The following TAF3 variants were observed in gnomAD, a reference collection of about 807,000 sequenced individuals.
TAF3 encodes the protein transcription initiation factor TFIID subunit 3.
TAF3 carries 7 observed loss-of-function variants against 80.6 expected under a neutral mutation model. The observed-to-expected ratio is 0.09, with a 90% CI of 0.05 to 0.16. The LOEUF is 0.16. Among genes scored for constraint, TAF3 ranks in the 10% least tolerant of loss-of-function variants. The pLI, the probability that TAF3 is intolerant of heterozygous loss-of-function variation, is 1.00. For missense variants in TAF3, 921 were observed against 1,140.2 expected, an observed-to-expected ratio of 0.81 and a Z score of 2.77; for synonymous variants, 444 against 446.1, an observed-to-expected ratio of 1.00 and a Z score of 0.06.
chr10:7,839,534 G>A (rs1004390852), intron 2 of TAF3, among the ~76,000 whole-genome samples: 3 of 152,222 alleles, frequency 2.0e-5, no homozygotes, highest in African/African-American at 4.8e-5. Context: ...TGATAGAGGT[G>A]ACAGTGGGAT....
chr10:7,926,885 A>G (rs1009113008), intron 2 of TAF3, among the ~76,000 whole-genome samples: 3 of 152,186 alleles, frequency 2.0e-5, no homozygotes, highest in Admixed American at 6.5e-5. Flanking sequence ...TTTTAGTATT[A>G]ACAATGTCAG....
At chr10:7,969,363 G>C (rs980663040) in intron 3 of TAF3, among the ~76,000 whole-genome samples, 1 of 152,090 alleles carries the variant, frequency 6.6e-6, no homozygotes, top group African/African-American at 2.4e-5. Context: ...AGTTGTAGCA[G>C]TGATAAATCT....
At chr10:7,885,566 C>G (rs1837402190) in intron 2 of TAF3, among the ~76,000 whole-genome samples, 1 of 152,194 alleles carries the variant, frequency 6.6e-6, no homozygotes, top group Non-Finnish European at 1.5e-5. Flanking sequence ...CAACCAGTCT[C>G]ATTAGTTTCT....
intron 2 of TAF3, among the ~76,000 whole-genome samples, chr10:7,883,530 A>T (rs570840484): frequency 1.3e-5 from 2 of 152,212 alleles, no homozygotes; most frequent in South Asian, 4.1e-4. Context: ...TGGTGGAGAG[A>T]TACTTTGAGA....
chr10:8,000,952 CAT>C (rs1480300776), intron 4 of TAF3, among the ~76,000 whole-genome samples: 2 of 152,190 alleles, frequency 1.3e-5, no homozygotes, highest in African/African-American at 4.8e-5. Context: ...CTTGGATAGA[CAT>C]ATCATTTGTG....
intron 2 of TAF3, among the ~76,000 whole-genome samples, chr10:7,909,234 G>A (rs1423725170): frequency 6.6e-6 from 1 of 152,212 alleles, no homozygotes; most frequent in Non-Finnish European, 1.5e-5. Context: ...AGAGCCTCTG[G>A]GGCCCAGGCT....
intron 3 of TAF3, among the ~76,000 whole-genome samples, chr10:7,970,617 T>C (rs1477607886): frequency 6.6e-6 from 1 of 152,204 alleles, no homozygotes; most frequent in Non-Finnish European, 1.5e-5. Context: ...TTTTATAAAA[T>C]GTTAGTTCCT....
At chr10:7,879,195 A>G (rs1837337413) in intron 2 of TAF3, among the ~76,000 whole-genome samples, 3 of 152,176 alleles carry the variant, frequency 2.0e-5, no homozygotes, top group African/African-American at 7.2e-5. Flanking sequence ...AGACATTTAT[A>G]TGTTCTATTT....
intron 3 of TAF3, among the ~76,000 whole-genome samples, chr10:7,969,139 A>AAAAC (rs148750011): frequency 4.8e-4 from 73 of 150,832 alleles, no homozygotes; most frequent in South Asian, 2.7e-3. Flanking sequence ...CTGTCTCTCC[A>AAAAC]AAACAAACAA....
intron 2 of TAF3, among the ~76,000 whole-genome samples, chr10:7,961,966 C>T (rs1450913024): frequency 1.3e-5 from 2 of 152,094 alleles, no homozygotes; most frequent in African/African-American, 4.8e-5. Flanking sequence ...CCTTGCACCT[C>T]AGTCTCCCAG....
chr10:7,934,171 A>G (rs1158721301), intron 2 of TAF3, among the ~76,000 whole-genome samples: 1 of 152,258 alleles, frequency 6.6e-6, no homozygotes, highest in Non-Finnish European at 1.5e-5. Context: ...TTTTAGGACT[A>G]CCTTAACCAA....
At chr10:7,943,110 A>G (rs1171364640) in intron 2 of TAF3, among the ~76,000 whole-genome samples, 1 of 152,212 alleles carries the variant, frequency 6.6e-6, no homozygotes, top group African/African-American at 2.4e-5. Context: ...CTCAGATCAA[A>G]GGAGTCCAAT....
intron 2 of TAF3, among the ~76,000 whole-genome samples, chr10:7,858,008 G>C (rs1837099844): frequency 6.6e-6 from 1 of 150,828 alleles, no homozygotes. Context: ...TGGAATTTGA[G>C]GATTTATGGA....
intron 4 of TAF3, among the ~76,000 whole-genome samples, chr10:8,004,749 G>A (rs917210558): frequency 6.6e-6 from 1 of 152,018 alleles, no homozygotes; most frequent in Non-Finnish European, 1.5e-5. Flanking sequence ...ACTTTGATGT[G>A]CCTAGATATA....
At chr10:7,894,389 A>AAG (rs1210034521) in intron 2 of TAF3, among the ~76,000 whole-genome samples, 5 of 152,230 alleles carry the variant, frequency 3.3e-5, no homozygotes, top group African/African-American at 1.2e-4. Context: ...CGTTGCCTGC[A>AAG]TTACGTCTCA....
In TAF3 at chr10:8,016,072, A is replaced by C. The variant is rs1299067365; in HGVS notation, c.*1321A>C. On this transcript the variant is annotated 3_prime_UTR_variant, in exon 7 of 7. Coordinates refer to ENST00000344293, the MANE Select transcript of TAF3 (RefSeq NM_031923.4). ...TTATTATATGTTATAGATGTCTGAGAGGTAAACCAAATATTTTATTTTTAA... is the reference window on the plus strand; with the variant it reads ...TTATTATATGTTATAGATGTCTGAGCGGTAAACCAAATATTTTATTTTTAA... 1.3e-5 allele frequency: 2 copies of C among 152,102 alleles called. No individual in the cohort carries two copies. The highest frequency in any genetic ancestry group is 1.5e-5 in the Non-Finnish European group (1 of 68,022). 9.4% of individuals were successfully genotyped at this position (152,102 alleles called of 1,614,324 possible). A position where few individuals can be genotyped will look rare whatever the true frequency, so the allele number is the denominator to read the frequency against.
chr10:8,010,956 T>C (rs1832048213), intron 5 of TAF3, among the ~76,000 whole-genome samples: 1 of 152,176 alleles, frequency 6.6e-6, no homozygotes, highest in African/African-American at 2.4e-5. Context: ...GAGTCCACAT[T>C]GTTCTGGGAC....
Position 8,009,235 on chromosome 10 carries a change from C to CCTGCCCTG in TAF3, c.2481_2488dup (p.Ser830CysfsTer22). 6.7e-7 allele frequency: 1 copy of CCTGCCCTG among 1,494,986 alleles called. No individual in the cohort carries two copies. Among genetic ancestry groups the CCTGCCCTG allele is most frequent in the Non-Finnish European group, 8.9e-7 (1 of 1,123,402 alleles). The allele number at this position is 1,494,986 out of a possible 1,614,324, so 92.6% of individuals were successfully genotyped here. The stretch of plus-strand genomic sequence containing the variant: ...GCTGCTCGCCCAGGCCGCCGCGGGC[C>CCTGCCCTG]CTGCCCTGCTGCCCTCCCCGGGTCC... On this transcript the variant is annotated frameshift_variant, in exon 5 of 7. Coordinates refer to ENST00000344293, the MANE Select transcript of TAF3 (RefSeq NM_031923.4). LOFTEE classifies it high-confidence loss of function. The surrounding 1 kb of genome is among the most constrained non-coding windows in gnomAD (Gnocchi z 4.1).
intron 2 of TAF3, among the ~76,000 whole-genome samples, chr10:7,870,585 G>A (rs978440446): frequency 3.3e-5 from 5 of 152,170 alleles, no homozygotes; most frequent in South Asian, 2.1e-4. Context: ...GAAAAATGGC[G>A]GTCTGTTGTT....
Sources: gnomAD v4.1 joint callset for allele counts (sites outside exome capture counted in the v4.1 genomes callset) on GRCh38, gnomAD v4.1.1 for gene constraint, Gnocchi (gnomAD v3.1) non-coding constraint, MANE v1.5 for transcripts, NCBI Gene and HGNC (gene_info 2026-07-23, HGNC 2026-07-21) for gene names.